The following DOC2B variants were observed in gnomAD, a reference collection of about 807,000 sequenced individuals.
The protein encoded by DOC2B is double C2 domain beta.
DOC2B carries 21 observed loss-of-function variants against 28.9 expected under a neutral mutation model. The ratio of observed to expected loss-of-function variants is 0.73; its 90% CI spans 0.52 to 1.05. The LOEUF (loss-of-function observed/expected upper bound fraction) is 1.05, where lower values mean the gene tolerates loss of function less well. Ranked by LOEUF, DOC2B falls within the 50% of genes least tolerant of loss-of-function variation. The pLI, the probability that DOC2B is intolerant of heterozygous loss-of-function variation, is 0.00. For missense variants in DOC2B, 384 were observed against 421.1 expected (o/e 0.91, Z 0.77); for synonymous variants, 194 against 178.1 (o/e 1.09, Z -0.71).
chr17:156,890 T>C (rs924578435), intron 5 of DOC2B, among the ~76,000 whole-genome samples: 1 of 152,192 alleles, frequency 6.6e-6, no homozygotes, highest in African/African-American at 2.4e-5. Flanking sequence ...GTTCTTACTT[T>C]TTGGAATGGC....
chr17:156,613 G>GGT (rs1181756287), intron 5 of DOC2B, among the ~76,000 whole-genome samples: 41 of 152,352 alleles, frequency 2.7e-4, no homozygotes, highest in African/African-American at 8.9e-4. Flanking sequence ...TGTGGCCTAC[G>GGT]GTGGCCTTCA....
chr17:166,665 G>C (rs2040269266), intron 2 of DOC2B, among the ~76,000 whole-genome samples: 1 of 151,980 alleles, frequency 6.6e-6, no homozygotes, highest in Non-Finnish European at 1.5e-5. Flanking sequence ...TTGAGGTAGT[G>C]AATACGTCTC....
chr17:154,078 T>G (rs192849951), intron 6 of DOC2B, among the ~76,000 whole-genome samples: 6 of 152,308 alleles, frequency 3.9e-5, no homozygotes, highest in Non-Finnish European at 1.5e-5. Flanking sequence ...CTTAGCATCT[T>G]GTTTCCAAGG....
At chr17:179,657 C>T (rs781217435) in intron 1 of DOC2B, among the ~76,000 whole-genome samples, 6 of 114,582 alleles carry the variant, frequency 5.2e-5, no homozygotes, top group Non-Finnish European at 7.3e-5. Flanking sequence ...GCACAGGGTG[C>T]CAGGGGCAGA....
rs536861506 is a variant in DOC2B, at chr17:165,899, T to A, written c.454-1695A>T. ...TCCTTATACATTTGTTTGTTGTAGC[T>A]TAAAATGTTTCCATTTGGGCCACGT... is the stretch of plus-strand genomic sequence containing the variant. On this transcript the variant is annotated intron_variant, in intron 2 of 8. Coordinates refer to ENST00000613549, the MANE Select transcript of DOC2B (RefSeq NM_003585.5). 3.3e-5 allele frequency among the ~76,000 whole-genome samples: 5 copies of A among 152,386 alleles called. No individual in the cohort carries two copies. The East Asian group carries it at 9.6e-4, about 29-fold the overall frequency.
At position 162,159 on chromosome 17, in the gene DOC2B, T is replaced by G. The variant is rs1555523340; in HGVS notation, c.560A>C (p.Asn187Thr). The stretch of plus-strand genomic sequence containing the variant: ...CTCGTTCCATGTGGGGTTCAGAGTG[T>G]TACGGAGAGTTTTTGTTCTGAGCTT... ...ANKLRTKTLR[N>T]TLNPTWNETL... The change falls in exon 4 of 9, where the codon AAC becomes ACC. Residue 187 changes from asparagine (N) to threonine (T), a missense_variant. By Grantham distance (65) the Asn-to-Thr change is moderately conservative (BLOSUM62 0). Coordinates refer to ENST00000613549, the MANE Select transcript of DOC2B (RefSeq NM_003585.5). The G allele has an allele frequency of 1.9e-6, 3 of 1,551,898 alleles. No individual in the cohort carries two copies. The highest frequency in any genetic ancestry group is 2.6e-6 in the Non-Finnish European group (3 of 1,147,010).
At chr17:175,178 C>CA (rs1286389999) in intron 1 of DOC2B, among the ~76,000 whole-genome samples, 10 of 152,182 alleles carry the variant, frequency 6.6e-5, no homozygotes, top group African/African-American at 1.9e-4. Context: ...GTTGAGGCTA[C>CA]AGTGAGTGTG....
At chr17:169,945 C>T (rs959565433) in intron 2 of DOC2B, among the ~76,000 whole-genome samples, 9 of 152,336 alleles carry the variant, frequency 5.9e-5, no homozygotes, top group Admixed American at 2.6e-4. Context: ...TGTGCACGCA[C>T]GGTACCACAC....
In DOC2B at chr17:147,021, G is replaced by A. The variant is rs2040024285; in HGVS notation, c.*420C>T. 6.0e-6 allele frequency: 1 copy of A among 167,542 alleles called. No homozygotes were observed. Among genetic ancestry groups the A allele is most frequent in the African/African-American group, 2.4e-5 (1 of 42,146 alleles). The allele number at this position is 167,542 out of a possible 1,614,324, so 10.4% of individuals were successfully genotyped here. On this transcript the variant is annotated 3_prime_UTR_variant, in exon 9 of 9. Transcript: ENST00000613549. ...AGGCTTTCTTGGGCTGGAGCAGCCA[G>A]TCTTCAAGGTCCCATCCTCCACCTG...
rs1369605932 is a variant in DOC2B at position 161,671 on chromosome 17, C to A, written c.639-130G>T. On this transcript the variant is annotated intron_variant, in intron 4 of 8. Transcript: ENST00000613549. ...CTGCCCTGGTCTGGGGTGGGAGACG[C>A]ACAAGATGCCTGGGCCCTGACAGGG... 2.8e-6 allele frequency: 4 copies of A among 1,441,870 alleles called. No individual in the cohort carries two copies. In the African/African-American group the frequency reaches 5.6e-5, roughly 20 times the overall value. 89.3% of individuals were successfully genotyped at this position (1,441,870 alleles called of 1,614,324 possible). A position where few individuals can be genotyped will look rare whatever the true frequency, so the allele number is the denominator to read the frequency against.
chr17:160,914 G>A (rs942421693), intron 5 of DOC2B, among the ~76,000 whole-genome samples: 6 of 152,090 alleles, frequency 3.9e-5, no homozygotes, highest in East Asian at 3.9e-4. Flanking sequence ...TGCTCCTTGC[G>A]CGTCCTGTCC....
chr17:164,286 G>A, intron 2 of DOC2B, 82 bp from the exon 3 acceptor site: 1 of 1,131,610 alleles, frequency 8.8e-7, no homozygotes, highest in African/African-American at 1.5e-5. Context: ...TTGTCCCCTG[G>A]GTCTCCTGGC....
At chr17:161,759 G>A (rs1460135527) in intron 4 of DOC2B, among the ~76,000 whole-genome samples, 1 of 152,210 alleles carries the variant, frequency 6.6e-6, no homozygotes, top group African/African-American at 2.4e-5. Flanking sequence ...TTGGAAGAGG[G>A]GACAGGAGAA....
Position 181,052 on chromosome 17 carries a change from G to A in DOC2B, c.373+55C>T. ...CGGAGGGAAGCCGCGAGGCCGTGGGGGGGCCGAGCCCGAGCCAGGGGAGGG... is the reference window on the plus strand; with the variant it reads ...CGGAGGGAAGCCGCGAGGCCGTGGGAGGGCCGAGCCCGAGCCAGGGGAGGG... On this transcript the variant is annotated intron_variant, in intron 1 of 8. Coordinates refer to ENST00000613549, the MANE Select transcript of DOC2B (RefSeq NM_003585.5). The surrounding 1 kb of genome is among the most constrained non-coding windows in gnomAD (Gnocchi z 7.0). 8.3e-7 allele frequency: 1 copy of A among 1,209,466 alleles called. No individual in the cohort carries two copies. The highest frequency in any genetic ancestry group is 1.0e-6 in the Non-Finnish European group (1 of 970,570). The allele number at this position is 1,209,466 out of a possible 1,614,324, so 74.9% of individuals were successfully genotyped here.
intron 5 of DOC2B, among the ~76,000 whole-genome samples, chr17:160,075 C>T (rs2151465176): frequency 6.6e-6 from 1 of 151,082 alleles, no homozygotes; most frequent in Non-Finnish European, 1.5e-5. Flanking sequence ...ACCTCCGCCT[C>T]TCAGGTTCAA....
Position 147,224 on chromosome 17 carries a change from A to G in DOC2B, c.*217T>C, listed in dbSNP as rs978228807. On this transcript the variant is annotated 3_prime_UTR_variant, in exon 9 of 9. Transcript: ENST00000613549. ...ACCACCGGCCTCTTGGGCCCCAGAG[A>G]GCTGAGAGCCCCCCACCCCAGCTCC... The G allele has an allele frequency of 4.8e-4, 189 of 391,022 alleles. 1 individual carries two copies. The highest frequency in any genetic ancestry group is 3.4e-3 in the African/African-American group (166 of 48,542). The allele number at this position is 391,022 out of a possible 1,614,324, so 24.2% of individuals were successfully genotyped here.
intron 6 of DOC2B, among the ~76,000 whole-genome samples, chr17:150,580 A>T (rs1555521718): frequency 6.6e-6 from 1 of 152,232 alleles, no homozygotes; most frequent in East Asian, 1.9e-4. Context: ...ATGATATCTC[A>T]TAGTTGCTTT....
In DOC2B at chr17:149,148, G is replaced by T; in HGVS notation, c.968C>A (p.Ala323Glu). 1 of 399,738 alleles carries T rather than the reference G, an allele frequency of 2.5e-6. No homozygotes were observed. 24.8% of individuals were successfully genotyped at this position (399,738 alleles called of 1,614,324 possible). ...DVDKKSKHKTAVKKKTLNPEF... is the reference protein window; with the variant it reads ...DVDKKSKHKTEVKKKTLNPEF... ...CGGGTTCAGGGTTTTTTTCTTCACC[G>T]CTGTCTTATGTTTGGATTTCTTGTC... Residue 323 changes from alanine to glutamate, a missense_variant, in exon 7 of 9, where the codon GCG becomes GAG. Transcript: ENST00000613549.
At chr17:175,466 T>C (rs1216521880) in intron 1 of DOC2B, among the ~76,000 whole-genome samples, 1 of 152,226 alleles carries the variant, frequency 6.6e-6, no homozygotes, top group Non-Finnish European at 1.5e-5. Context: ...GTAACAATAT[T>C]CTCTGAAGCT....
Sources: gnomAD v4.1 joint callset for allele counts (sites outside exome capture counted in the v4.1 genomes callset) on GRCh38, gnomAD v4.1.1 for gene constraint, Gnocchi (gnomAD v3.1) non-coding constraint, MANE v1.5 for transcripts, NCBI Gene and HGNC (gene_info 2026-07-23, HGNC 2026-07-21) for gene names.